The following CCDC149 variants were observed in gnomAD, a reference collection of about 807,000 sequenced individuals.
CCDC149 encodes coiled-coil domain-containing protein 149.
CCDC149 carries 45 observed loss-of-function variants against 59.9 expected under a neutral mutation model. The observed-to-expected ratio is 0.75, with a 90% CI of 0.59 to 0.96. CCDC149 has a LOEUF of 0.96. CCDC149 is among the 40% of genes least tolerant of loss of function. CCDC149 has a pLI of 0.00. For missense variants in CCDC149, 584 were observed against 664.7 expected, an observed-to-expected ratio of 0.88 and a Z score of 1.33; for synonymous variants, 245 against 260.6, an observed-to-expected ratio of 0.94 and a Z score of 0.58.
At position 24,937,503 on chromosome 4, in the gene CCDC149, T is replaced by C. The variant is rs1722818671; in HGVS notation, c.-64-42385A>G. ...GCTGCAGTGACATATTAAAAACCCA[T>C]ATCTCAAAGGCCTAGCTAAAAAAGA... On this transcript the variant is annotated intron_variant, in intron 1 of 12. Transcript: ENST00000389609. Among the ~76,000 whole-genome samples, 3 of 152,262 alleles carry C rather than the reference T, an allele frequency of 2.0e-5. No homozygotes were observed. The South Asian group carries it at 6.2e-4, about 31-fold the overall frequency.
chr4:24,953,290 G>A (rs1723366280), intron 1 of CCDC149, among the ~76,000 whole-genome samples: 1 of 152,188 alleles, frequency 6.6e-6, no homozygotes, highest in Non-Finnish European at 1.5e-5. Context: ...TGCAAGCTGT[G>A]TGCAGCTTCC....
At chr4:24,824,027 T>C (rs1459385048) in intron 9 of CCDC149, among the ~76,000 whole-genome samples, 2 of 152,234 alleles carry the variant, frequency 1.3e-5, no homozygotes, top group Non-Finnish European at 2.9e-5. Context: ...TCACAACTGT[T>C]CAAGTTGATG....
At chr4:24,883,363 T>G (rs1015716234) in intron 1 of CCDC149, among the ~76,000 whole-genome samples, 1 of 151,418 alleles carries the variant, frequency 6.6e-6, no homozygotes, top group African/African-American at 2.4e-5. Flanking sequence ...CAAGCCGCCA[T>G]TTTAAAAGTC....
intron 1 of CCDC149, among the ~76,000 whole-genome samples, chr4:24,962,721 C>T (rs1361617679): frequency 4.0e-5 from 6 of 149,502 alleles, no homozygotes; most frequent in Admixed American, 3.3e-4. Flanking sequence ...CATCACACAC[C>T]GGGGCCTGTT....
chr4:24,885,981 T>C (rs532494230), intron 1 of CCDC149, among the ~76,000 whole-genome samples: 1 of 152,352 alleles, frequency 6.6e-6, no homozygotes, highest in South Asian at 2.1e-4. Context: ...ATGTTCTACT[T>C]GAAACATCAT....
chr4:24,941,439 A>G (rs1010732770), intron 1 of CCDC149, among the ~76,000 whole-genome samples: 2 of 152,244 alleles, frequency 1.3e-5, no homozygotes, highest in Admixed American at 6.5e-5. Context: ...CCACAAGAGA[A>G]AGCAGGAAAG....
intron 1 of CCDC149, among the ~76,000 whole-genome samples, chr4:24,891,847 A>G (rs1054182898): frequency 6.6e-6 from 1 of 151,934 alleles, no homozygotes; most frequent in African/African-American, 2.4e-5. Context: ...ATTTTTTTTT[A>G]AATTAGCTGG....
At chr4:24,979,160 A>G (rs1367602593) in intron 1 of CCDC149, among the ~76,000 whole-genome samples, 2 of 152,222 alleles carry the variant, frequency 1.3e-5, no homozygotes, top group East Asian at 1.9e-4. Context: ...ACTGTGCAGC[A>G]TATCTCCTTA....
Position 24,826,325 on chromosome 4 carries a change from T to C in CCDC149, c.966-3752A>G, listed in dbSNP as rs550660503. On this transcript the variant is annotated intron_variant, in intron 9 of 12. Coordinates refer to ENST00000635206, the MANE Select transcript of CCDC149 (RefSeq NM_001330643.2). The stretch of plus-strand genomic sequence containing the variant: ...TAGGCAAAGTATTCTTCATGCCTAG[T>C]TGAGAATGGAGTGGAAGGAGTGTGA... Among the ~76,000 whole-genome samples the C allele has an allele frequency of 4.6e-5, 7 of 152,072 alleles. No individual in the cohort carries two copies. In the East Asian group the frequency reaches 1.2e-3, roughly 25 times the overall value.
chr4:24,936,143 G>T (rs1356141471), intron 1 of CCDC149, among the ~76,000 whole-genome samples: 1 of 152,122 alleles, frequency 6.6e-6, no homozygotes, highest in Non-Finnish European at 1.5e-5. Flanking sequence ...AGGGAAAAAA[G>T]AACTGATGAG....
At chr4:24,893,612 A>ATTTTTTTTTTTT (rs1560241640) in intron 1 of CCDC149, among the ~76,000 whole-genome samples, 10 of 9,372 alleles carry the variant, frequency 1.1e-3, no homozygotes, top group East Asian at 4.1e-3. Flanking sequence ...TAAAATACAG[A>ATTTTTTTTTTTT]CTTTTTTTTT....
intron 1 of CCDC149, among the ~76,000 whole-genome samples, chr4:24,910,721 C>T (rs1282958858): frequency 6.6e-6 from 1 of 152,134 alleles, no homozygotes; most frequent in South Asian, 2.1e-4. Flanking sequence ...AAGCAAGGCT[C>T]AAGCAATGAG....
At chr4:24,873,029 C>T (rs1369544198) in intron 3 of CCDC149, among the ~76,000 whole-genome samples, 2 of 143,858 alleles carry the variant, frequency 1.4e-5, no homozygotes, top group South Asian at 2.1e-4. Context: ...TATGCACCCA[C>T]CAAATGGTAT....
chr4:24,840,742 T>A (rs565347209), intron 4 of CCDC149, among the ~76,000 whole-genome samples: 24 of 152,266 alleles, frequency 1.6e-4, no homozygotes, highest in East Asian at 3.9e-4. Context: ...ATGGAGACAA[T>A]ATGAGTGTTA....
intron 1 of CCDC149, among the ~76,000 whole-genome samples, chr4:24,977,238 G>A (rs1291820528): frequency 1.3e-5 from 2 of 152,028 alleles, no homozygotes; most frequent in East Asian, 3.9e-4. Context: ...ATTGGCTGGA[G>A]CTTTGGGAAA....
intron 1 of CCDC149, among the ~76,000 whole-genome samples, chr4:24,951,057 A>C (rs1723272948): frequency 6.6e-6 from 1 of 152,200 alleles, no homozygotes; most frequent in African/African-American, 2.4e-5. Flanking sequence ...GGAGTGGGGA[A>C]GGGGGCCTCA....
chr4:24,818,332 G>A (rs892665333), intron 12 of CCDC149, among the ~76,000 whole-genome samples: 1 of 152,168 alleles, frequency 6.6e-6, no homozygotes, highest in Non-Finnish European at 1.5e-5. Flanking sequence ...GGGAAGTTGG[G>A]GCTCTGGGAA....
chr4:24,852,802 T>C (rs2109183891), intron 4 of CCDC149, among the ~76,000 whole-genome samples: 1 of 152,278 alleles, frequency 6.6e-6, no homozygotes. Flanking sequence ...CACAGTGTTA[T>C]TCACCACTAA....
At chr4:24,852,527 A>T (rs1328495427) in intron 4 of CCDC149, among the ~76,000 whole-genome samples, 2 of 152,148 alleles carry the variant, frequency 1.3e-5, no homozygotes, top group Non-Finnish European at 2.9e-5. Context: ...GCACACATTT[A>T]GTTGGGAGTT....
Sources: allele counts gnomAD v4.1 joint callset (sites outside exome capture counted in the v4.1 genomes callset), GRCh38; gene constraint gnomAD v4.1.1; transcripts MANE v1.5; gene names NCBI Gene and HGNC (gene_info 2026-07-23, HGNC 2026-07-21).